The following NBR1 variants were observed in gnomAD, a reference collection of about 807,000 sequenced individuals.
NBR1 encodes the protein next to BRCA1 gene 1 protein.
A neutral mutation model predicts 115.5 loss-of-function variants in NBR1; 59 were observed. That is an observed-to-expected ratio of 0.51 (90% confidence interval 0.41 to 0.63). The LOEUF (loss-of-function observed/expected upper bound fraction) is 0.63, where lower values mean the gene tolerates loss of function less well. Ranked by LOEUF, NBR1 falls within the 30% of genes least tolerant of loss-of-function variation. NBR1 has a pLI of 0.00. For synonymous variants in NBR1, 373 were observed against 414.7 expected, an observed-to-expected ratio of 0.90 and a Z score of 1.22; for missense variants, 1,043 against 1,150.5, an observed-to-expected ratio of 0.91 and a Z score of 1.35.
Position 43,195,302 on chromosome 17 carries a change from G to A in NBR1, c.1750+263G>A, listed in dbSNP as rs2154582256. ...AGGATCACTTGAGGCCAGGGTTTGA[G>A]ACCAGCCTGGGCAACATGGTGAAAC... is the stretch of plus-strand genomic sequence containing the variant. On this transcript the variant is annotated intron_variant, in intron 14 of 20. Transcript: ENST00000590996. 4 of 437,518 alleles carry A rather than the reference G, an allele frequency of 9.1e-6. No homozygotes were observed. In the South Asian group the frequency reaches 1.0e-4, roughly 11 times the overall value. The allele number at this position is 437,518 out of a possible 1,614,324, so 27.1% of individuals were successfully genotyped here.
At chr17:43,192,384 C>T (rs940646064) in intron 10 of NBR1, among the ~76,000 whole-genome samples, 3 of 149,342 alleles carry the variant, frequency 2.0e-5, no homozygotes, top group Admixed American at 1.3e-4. Context: ...GTTTTTGAGA[C>T]GGAGTCTTGG....
chr17:43,203,671 T>A lies in NBR1; in HGVS notation c.2622-10T>A. ...TTTGTTTGGGGAGATAATTTGGTTT[T>A]CCTCTGCAGGCACCATCATGGGAGC... On this transcript the variant is annotated splice_polypyrimidine_tract_variant and intron_variant, in intron 19 of 20. Transcript: ENST00000590996. 6.3e-7 allele frequency: 1 copy of A among 1,587,830 alleles called. No individual in the cohort carries two copies. The highest frequency in any genetic ancestry group is 2.2e-5 in the East Asian group (1 of 44,498).
intron 20 of NBR1, among the ~76,000 whole-genome samples, chr17:43,205,151 C>T (rs1306683468): frequency 1.3e-5 from 2 of 151,850 alleles, no homozygotes; most frequent in Non-Finnish European, 2.9e-5. Context: ...GTCAGGAGTT[C>T]GAGACCATCC....
chr17:43,175,434 A>G (rs1341091889), intron 1 of NBR1, among the ~76,000 whole-genome samples: 1 of 152,224 alleles, frequency 6.6e-6, no homozygotes, highest in Non-Finnish European at 1.5e-5. Context: ...GGATTTTACA[A>G]ATGCTAGATG....
chr17:43,209,445 T>G (rs1473825230), intron 20 of NBR1: 1 of 821,606 alleles, frequency 1.2e-6, no homozygotes, highest in Non-Finnish European at 1.9e-6. Context: ...CCAAGCTGTT[T>G]TTTTTGTCCA....
intron 1 of NBR1, among the ~76,000 whole-genome samples, chr17:43,172,414 A>G (rs2056399345): frequency 6.6e-6 from 1 of 152,236 alleles, no homozygotes; most frequent in African/African-American, 2.4e-5. Flanking sequence ...TAATTTGAGA[A>G]AAAGAGAGGA....
intron 2 of NBR1, among the ~76,000 whole-genome samples, chr17:43,177,051 A>T (rs1424389641): frequency 1.3e-5 from 2 of 152,096 alleles, no homozygotes; most frequent in African/African-American, 2.4e-5. Flanking sequence ...TGGGTGGACC[A>T]CTTCAGCTCA....
At position 43,210,051 on chromosome 17, in the gene NBR1, G is replaced by C. The variant is rs1293844763; in HGVS notation, c.2878G>C (p.Asp960His). Residue 960 changes from aspartate (D) to histidine (H), a missense_variant, in exon 21 of 21, where the codon GAC (aspartate) becomes CAC (histidine). By Grantham distance (81) the Asp-to-His change is moderately conservative. Transcript: ENST00000590996. ...VTELLQLNNN[D>H]WYSQRY Reference sequence around the variant, plus strand: ...AGAACTTCTTCAGTTAAACAACAACGACTGGTACAGCCAACGCTATTGAGG... The same window carrying C: ...AGAACTTCTTCAGTTAAACAACAACCACTGGTACAGCCAACGCTATTGAGG... The C allele has an allele frequency of 3.7e-6, 6 of 1,612,722 alleles. No homozygotes were observed. Among genetic ancestry groups the C allele is most frequent in the Admixed American group, 1.7e-5 (1 of 59,758 alleles).
chr17:43,190,313 C>A, intron 8 of NBR1: 1 of 397,962 alleles, frequency 2.5e-6, no homozygotes, highest in Non-Finnish European at 4.8e-6. Context: ...TCAAATGATC[C>A]TCTTCTCCAT....
intron 5 of NBR1, among the ~76,000 whole-genome samples, chr17:43,183,055 C>T (rs1420491561): frequency 3.3e-5 from 5 of 151,390 alleles, no homozygotes; most frequent in South Asian, 2.1e-4. Flanking sequence ...TGAGCCACTG[C>T]GCCTGGCGTC....
chr17:43,186,001 CA>C (rs968662346), intron 5 of NBR1, among the ~76,000 whole-genome samples: 11 of 128,266 alleles, frequency 8.6e-5, no homozygotes, highest in African/African-American at 2.8e-4. Context: ...AACTCCGTCT[CA>C]AAAATAAATA....
chr17:43,187,678 T>G (rs1024254078), intron 6 of NBR1, among the ~76,000 whole-genome samples: 1 of 149,208 alleles, frequency 6.7e-6, no homozygotes, highest in Admixed American at 6.8e-5. Flanking sequence ...CTGGCTAATT[T>G]TTTGTATTTT....
intron 3 of NBR1, 107 bp downstream of exon 3, chr17:43,178,105 G>A (rs890876694): frequency 7.4e-7 from 1 of 1,345,796 alleles, no homozygotes; most frequent in Non-Finnish European, 1.0e-6. Flanking sequence ...TATTTGTGTG[G>A]TGGTTTAAAT....
At position 43,191,567 on chromosome 17, in the gene NBR1, G is replaced by T; in HGVS notation, c.1059G>T (p.Gln353His). The change falls in exon 10 of 21, where the codon CAG becomes CAT. Residue 353 changes from glutamine to histidine, a missense_variant. Physicochemically the swap from Gln to His is conservative, Grantham distance 24 (BLOSUM62 0). Coordinates refer to ENST00000590996, the MANE Select transcript of NBR1 (RefSeq NM_005899.5). ...SPLGRPESLL[Q>H]SNTLMLPLQP... ...TAGGCCGACCTGAGAGCTTGCTCCA[G>T]TCTAATACCCTGATGTAAGCCCAGG... 3.7e-6 allele frequency: 6 copies of T among 1,611,336 alleles called. No homozygotes were observed. Among genetic ancestry groups the T allele is most frequent in the Non-Finnish European group, 5.1e-6 (6 of 1,178,750 alleles).
chr17:43,196,677 C>T, intron 15 of NBR1, 86 bp downstream of exon 15: 1 of 1,061,384 alleles, frequency 9.4e-7, no homozygotes, highest in Non-Finnish European at 1.4e-6. Context: ...CTGACCCTAC[C>T]TTAGCATGTA....
rs1384248793 is a variant in NBR1, at chr17:43,189,673, G to A, written c.566G>A (p.Gly189Asp). The A allele has an allele frequency of 6.2e-7, 1 of 1,613,870 alleles. No individual in the cohort carries two copies. The highest frequency in any genetic ancestry group is 1.7e-5 in the Admixed American group (1 of 60,002). Residue 189 changes from glycine (G) to aspartate (D), a missense_variant, in exon 8 of 21, where the codon GGT (glycine) becomes GAT (aspartate). Gly to Asp is a moderately conservative substitution (Grantham distance 94, BLOSUM62 -1). Transcript: ENST00000590996. ...EKLVLQNPSL[G>D]SCPSEVSMPT... is the part of the protein sequence containing the mutation. ...CTTGTCCTCCAGAACCCATCCTTGG[G>A]TTCTTGTCCCTCAGAAGTCTCAATG...
In NBR1 at chr17:43,193,626, C is replaced by G; in HGVS notation, c.1512C>G (p.Thr504=). The change falls in exon 12 of 21, where the codon ACC becomes ACG. Residue 504 remains threonine, a synonymous_variant. Transcript: ENST00000590996. ...MISSSKTDDL[T]CQQEETFLLA... is the part of the protein sequence containing the mutation. ...GCTCAAGCAAAACTGATGATCTCACCTGCCAGCAAGAGGTGAGCATTGACT... is the reference window on the plus strand; with the variant it reads ...GCTCAAGCAAAACTGATGATCTCACGTGCCAGCAAGAGGTGAGCATTGACT... The G allele has an allele frequency of 6.2e-7, 1 of 1,608,268 alleles. No individual in the cohort carries two copies. The highest frequency in any genetic ancestry group is 8.5e-7 in the Non-Finnish European group (1 of 1,177,158).
chr17:43,187,930 G>A (rs530854519), intron 6 of NBR1, among the ~76,000 whole-genome samples: 3 of 117,704 alleles, frequency 2.5e-5, no homozygotes, highest in Non-Finnish European at 3.2e-5. Context: ...TCACTCTGTC[G>A]CCCAGGCTGG....
chr17:43,197,294 C>T (rs1052133726), intron 16 of NBR1, among the ~76,000 whole-genome samples, 188 bp downstream of exon 16: 3 of 152,080 alleles, frequency 2.0e-5, no homozygotes, highest in Non-Finnish European at 4.4e-5. Flanking sequence ...CCAAGGCAGG[C>T]GGATCACAAG....
Sources: allele counts gnomAD v4.1 joint callset (sites outside exome capture counted in the v4.1 genomes callset), GRCh38; gene constraint gnomAD v4.1.1; transcripts MANE v1.5; gene names NCBI Gene and HGNC (gene_info 2026-07-23, HGNC 2026-07-21).